The following TCF25 variants were observed in gnomAD, a reference collection of about 807,000 sequenced individuals.
TCF25 encodes the protein TCF25 ribosome quality control complex subunit, also known as ribosome quality control complex subunit TCF25.
Under a neutral mutation model 83.1 loss-of-function variants are expected in TCF25, and 41 were observed. The observed-to-expected ratio is 0.49, with a 90% CI of 0.38 to 0.64. The LOEUF is 0.64. Among genes scored for constraint, TCF25 ranks in the 30% least tolerant of loss-of-function variants. The pLI, the probability that TCF25 is intolerant of heterozygous loss-of-function variation, is 0.00. For missense variants in TCF25, 979 were observed against 914.5 expected (o/e 1.07, Z -0.91); for synonymous variants, 458 against 365.0 (o/e 1.25, Z -2.90).
rs2043643858 is a variant in TCF25, at chr16:89,894,173, CT to C, written c.828+316del. ...TGGGGCTTCTCACTGCTGCCCTTGC[CT>C]CCTGCGGCTCAGTGCAGGCGAGCAG... On this transcript the variant is annotated intron_variant, in intron 7 of 17. Transcript: ENST00000263346. 1.1e-4 allele frequency among the ~76,000 whole-genome samples: 16 copies of C among 152,310 alleles called. No individual in the cohort carries two copies. In the South Asian group the frequency reaches 3.3e-3, roughly 32 times the overall value.
intron 9 of TCF25, among the ~76,000 whole-genome samples, chr16:89,896,661 C>G (rs1195453350): frequency 6.6e-6 from 1 of 150,580 alleles, no homozygotes. Context: ...TCAAGCCATT[C>G]TCCTGCCTCA....
intron 7 of TCF25, among the ~76,000 whole-genome samples, chr16:89,894,585 AT>A (rs1197347244): frequency 6.6e-6 from 1 of 152,110 alleles, no homozygotes; most frequent in East Asian, 1.9e-4. Flanking sequence ...AAGTCATATA[AT>A]TGGTTCAGCT....
At chr16:89,878,485 C>G in intron 1 of TCF25, 1 of 1,237,488 alleles carries the variant, frequency 8.1e-7, no homozygotes, top group South Asian at 1.4e-5. Flanking sequence ...TTCCTCTCCC[C>G]CTAAAAAAAG....
chr16:89,904,580 AAAAC>A, intron 13 of TCF25: 1 of 484,798 alleles, frequency 2.1e-6, no homozygotes, highest in Non-Finnish European at 3.8e-6. Flanking sequence ...CCCGTCTCAA[AAAAC>A]AAAATAAACA....
Position 89,883,251 on chromosome 16 carries a change from G to A in TCF25, c.193-100G>A. On this transcript the variant is annotated intron_variant, in intron 1 of 17. Coordinates refer to ENST00000263346, the MANE Select transcript of TCF25 (RefSeq NM_014972.3). ...CCAGCGTCTCGCACTGACCCTGGGG[G>A]TCCCCAACGCAAGCCCGTTCACATC... 3.3e-6 allele frequency: 5 copies of A among 1,503,938 alleles called. No homozygotes were observed. In the South Asian group the frequency reaches 6.4e-5, roughly 19 times the overall value. 93.2% of individuals were successfully genotyped at this position (1,503,938 alleles called of 1,614,324 possible).
At chr16:89,910,824 G>T (rs561308200) in intron 17 of TCF25, among the ~76,000 whole-genome samples, 161 bp downstream of exon 17, 1 of 152,246 alleles carries the variant, frequency 6.6e-6, no homozygotes, top group Admixed American at 6.5e-5. Context: ...CCATTCTGCC[G>T]GGGAAACTGG....
chr16:89,887,219 G>A (rs1443645642), intron 4 of TCF25, among the ~76,000 whole-genome samples: 2 of 151,786 alleles, frequency 1.3e-5, no homozygotes, highest in Admixed American at 1.3e-4. Flanking sequence ...TCCTTACCCT[G>A]TCATCCTTGG....
rs571845278 is a variant in TCF25, at chr16:89,879,262, G to T, written c.193-4089G>T. On this transcript the variant is annotated intron_variant, in intron 1 of 17. Transcript: ENST00000263346. ...TTGTCCGTGTGCACAGATGGGCTTCGGGGCCTGTCACACGTGTTGTCCGTG... is the reference window on the plus strand; with the variant it reads ...TTGTCCGTGTGCACAGATGGGCTTCTGGGCCTGTCACACGTGTTGTCCGTG... Among the ~76,000 whole-genome samples, 9 of 138,316 alleles carry T rather than the reference G, an allele frequency of 6.5e-5. No individual in the cohort carries two copies. The South Asian group carries it at 2.1e-3, about 33-fold the overall frequency. 90.7% of individuals were successfully genotyped at this position (138,316 alleles called of 152,430 possible). A position where few individuals can be genotyped will look rare whatever the true frequency, so the allele number is the denominator to read the frequency against.
chr16:89,900,514 G>C, intron 11 of TCF25, 121 bp from the exon 12 acceptor site: 1 of 1,177,560 alleles, frequency 8.5e-7, no homozygotes, highest in Non-Finnish European at 1.2e-6. Context: ...AGGCCCTTGC[G>C]TTGCCTGCAG....
chr16:89,904,834 G>A, intron 13 of TCF25, 104 bp from the exon 14 acceptor site: 2 of 1,401,876 alleles, frequency 1.4e-6, no homozygotes, highest in Non-Finnish European at 2.0e-6. Flanking sequence ...AGGCCACAGG[G>A]CACTCCCTGG....
At chr16:89,908,643 C>A (rs1278994750) in intron 16 of TCF25, among the ~76,000 whole-genome samples, 1 of 123,006 alleles carries the variant, frequency 8.1e-6, no homozygotes, top group African/African-American at 3.6e-5. Flanking sequence ...CCTCCCACCT[C>A]CCAGCTCCCA....
At chr16:89,907,577 G>A (rs1303130228) in intron 16 of TCF25, among the ~76,000 whole-genome samples, 1 of 10,650 alleles carries the variant, frequency 9.4e-5, no homozygotes, top group Non-Finnish European at 2.4e-4. Context: ...CCCAGCTTCT[G>A]CCTCCCTCCT....
Position 89,873,847 on chromosome 16 carries a change from C to T in TCF25, c.180C>T (p.Asn60=). ...GAGKEGVRVN[N]RFELINIDDL... ...GGAAGGAGGGCGTCCGAGTCAACAA[C>T]CGCTTCGAGCTGGTGAGGAGCGCGG... Residue 60 remains asparagine, a synonymous_variant, in exon 1 of 18, where the codon AAC becomes AAT. Coordinates refer to ENST00000263346, the MANE Select transcript of TCF25 (RefSeq NM_014972.3). 6.4e-7 allele frequency: 1 copy of T among 1,555,870 alleles called. No homozygotes were observed. Among genetic ancestry groups the T allele is most frequent in the Non-Finnish European group, 8.7e-7 (1 of 1,152,776 alleles).
At chr16:89,907,158 G>A in intron 15 of TCF25, 85 bp from the exon 16 acceptor site, 2 of 1,322,894 alleles carry the variant, frequency 1.5e-6, no homozygotes, top group Non-Finnish European at 2.2e-6. Context: ...AGTCCATGCT[G>A]GAGTCGACAG....
intron 4 of TCF25, among the ~76,000 whole-genome samples, chr16:89,887,303 TA>T (rs1000969654): frequency 2.1e-3 from 308 of 144,444 alleles, no homozygotes; most frequent in African/African-American, 4.3e-3. Context: ...ATTGCCAGCT[TA>T]AAAAAAAAAA....
At position 89,911,196 on chromosome 16, in the gene TCF25, G is replaced by A. The variant is rs17850490; in HGVS notation, c.1989G>A (p.Ala663=). The change falls in exon 18 of 18, where the codon GCG becomes GCA. Residue 663 remains alanine, a synonymous_variant. Coordinates refer to ENST00000263346, the MANE Select transcript of TCF25 (RefSeq NM_014972.3). The part of the protein sequence containing the change: ...MANFHLNDLE[A]PHEDDAEGEG... The stretch of plus-strand genomic sequence containing the variant: ...ACTTCCACCTCAACGACCTGGAGGC[G>A]CCGCACGAGGACGACGCTGAGGGGG... 0.011 allele frequency: 17,208 copies of A among 1,612,456 alleles called. 336 individuals are homozygous for A. The highest frequency in any genetic ancestry group is 0.065 in the South Asian group (5,956 of 91,052).
At chr16:89,889,394 G>A (rs1282431820) in intron 5 of TCF25, 2 of 258,062 alleles carry the variant, frequency 7.8e-6, no homozygotes, top group Non-Finnish European at 7.6e-6. Flanking sequence ...CCAGGGTGAT[G>A]TCAAACTCCT....
At chr16:89,885,125 T>G (rs1028906069) in intron 3 of TCF25, among the ~76,000 whole-genome samples, 11 of 145,734 alleles carry the variant, frequency 7.5e-5, no homozygotes, top group Non-Finnish European at 1.2e-4. Context: ...TGCCTGACGC[T>G]CTCTCCATTC....
intron 6 of TCF25, among the ~76,000 whole-genome samples, chr16:89,892,875 G>A (rs186457312): frequency 6.6e-6 from 1 of 152,314 alleles, no homozygotes; most frequent in African/African-American, 2.4e-5. Context: ...GCTGTGTGGT[G>A]CCCTTGGTGA....
Sources: allele counts gnomAD v4.1 joint callset (sites outside exome capture counted in the v4.1 genomes callset), GRCh38; gene constraint gnomAD v4.1.1; transcripts MANE v1.5; gene names NCBI Gene and HGNC (gene_info 2026-07-23, HGNC 2026-07-21).